ZNF730: variants seen among roughly 807,000 people sequenced by gnomAD.
The protein encoded by ZNF730 is zinc finger protein 730, also known as putative zinc finger protein 730.
ZNF730 carries 12 observed loss-of-function variants against 12.6 expected under a neutral mutation model. The observed-to-expected ratio is 0.95, with a 90% CI of 0.61 to 1.54. ZNF730 has a LOEUF of 1.54. Among genes scored for constraint, ZNF730 ranks in the 40% most tolerant of loss-of-function variants. ZNF730 has a pLI of 0.00. For synonymous variants in ZNF730, 194 were observed against 195.8 expected, an observed-to-expected ratio of 0.99 and a Z score of 0.08; for missense variants, 643 against 583.5, an observed-to-expected ratio of 1.10 and a Z score of -1.05.
intron 1 of ZNF730, 64 bp from the exon 2 acceptor site, chr19:23,134,015 GA>G: frequency 6.3e-7 from 1 of 1,592,118 alleles, no homozygotes. Flanking sequence ...ATTTCACCTT[GA>G]GTGAAACTTA....
intron 3 of ZNF730, among the ~76,000 whole-genome samples, chr19:23,141,238 C>CA (rs916760425): frequency 1.3e-5 from 2 of 151,276 alleles, no homozygotes; most frequent in Non-Finnish European, 1.5e-5. Flanking sequence ...ACTAAAAATA[C>CA]AAAAAAATTA....
rs762926990 is a variant in ZNF730, at chr19:23,146,255, C to A, written c.1211C>A (p.Ala404Asp). Residue 404 changes from alanine to aspartate, a missense_variant, in exon 4 of 4, where the codon GCC becomes GAC. Transcript: ENST00000597761. ...TACAAATGTGAAGAATGTGGCAAAG[C>A]CTTTAGCCGTATCTCACACCTTACT... ...KFYKCEECGK[A>D]FSRISHLTTH... is the part of the protein sequence containing the mutation. 1.9e-6 allele frequency: 3 copies of A among 1,613,400 alleles called. No individual in the cohort carries two copies. The highest frequency in any genetic ancestry group is 2.5e-6 in the Non-Finnish European group (3 of 1,179,684).
At chr19:23,116,754 G>A (rs1433780168), upstream of ZNF730, among the ~76,000 whole-genome samples, 1 of 152,076 alleles carries the variant, frequency 6.6e-6, no homozygotes, top group Non-Finnish European at 1.5e-5. Flanking sequence ...TTCATATAGC[G>A]TATTATTTAT....
At chr19:23,127,695 C>T (rs1007820558) in intron 1 of ZNF730, 1 of 1,241,796 alleles carries the variant, frequency 8.1e-7, no homozygotes, top group East Asian at 2.3e-5. Context: ...GAAATGTCCA[C>T]CAGCAGAGCA....
At chr19:23,110,451 ATTT>A (rs1352943837) in intron 1 of ZNF730, among the ~76,000 whole-genome samples, 4 of 132,016 alleles carry the variant, frequency 3.0e-5, no homozygotes, top group African/African-American at 1.2e-4. Context: ...TAATTTTTGT[ATTT>A]TTAGTAGAGA....
At chr19:23,095,625 C>T (rs535351965) in intron 1 of ZNF730, 24 of 392,628 alleles carry the variant, frequency 6.1e-5, no homozygotes, top group African/African-American at 4.5e-4. Context: ...GCACTGCCCT[C>T]AGAAGCCGTG....
chr19:23,145,297 CT>C lies in ZNF730; in HGVS notation c.256del (p.Trp86GlyfsTer6). The C allele has an allele frequency of 6.4e-7, 1 of 1,562,026 alleles. No individual in the cohort carries two copies. On this transcript the variant is annotated frameshift_variant, in exon 4 of 4. Coordinates refer to ENST00000597761, the MANE Select transcript of ZNF730 (RefSeq NM_001277403.2). LOFTEE classifies it low-confidence loss of function (END_TRUNC). ...PVICSHIAQD[L>X]WPEQGIKDYF... is the part of the protein sequence containing the mutation. Reference sequence around the variant, plus strand: ...TATATGTTCTCATATTGCCCAAGACCTTTGGCCAGAGCAAGGCATAAAAGAT... The same window carrying C: ...TATATGTTCTCATATTGCCCAAGACCTTGGCCAGAGCAAGGCATAAAAGAT...
intron 1 of ZNF730, among the ~76,000 whole-genome samples, chr19:23,078,652 CT>C (rs926091362): frequency 2.0e-5 from 3 of 152,162 alleles, no homozygotes; most frequent in Non-Finnish European, 4.4e-5. Context: ...AGCGCCGCCC[CT>C]GGGCCCACTT....
intron 1 of ZNF730, among the ~76,000 whole-genome samples, chr19:23,122,560 G>T (rs774739930): frequency 2.0e-5 from 3 of 152,166 alleles, no homozygotes; most frequent in Non-Finnish European, 4.4e-5. Flanking sequence ...ACAGAAAACT[G>T]ATTATCCAAG....
At chr19:23,094,188 C>T (rs1970206445) in intron 1 of ZNF730, among the ~76,000 whole-genome samples, 1 of 152,004 alleles carries the variant, frequency 6.6e-6, no homozygotes, top group African/African-American at 2.4e-5. Flanking sequence ...AGTTTGTTTC[C>T]ACAGTACATT....
At chr19:23,093,868 T>C (rs1214477161) in intron 1 of ZNF730, among the ~76,000 whole-genome samples, 1 of 152,220 alleles carries the variant, frequency 6.6e-6, no homozygotes, top group Non-Finnish European at 1.5e-5. Flanking sequence ...CACGAGCGCC[T>C]CCCTTGGCCT....
rs536005138 is a variant in ZNF730 at position 23,117,045 on chromosome 19, C to T, written c.-129C>T. 2.0e-5 allele frequency: 27 copies of T among 1,376,950 alleles called. 1 individual carries two copies. The East Asian group carries it at 7.4e-4, about 38-fold the overall frequency. 85.3% of individuals were successfully genotyped at this position (1,376,950 alleles called of 1,614,324 possible). ...GCGCGGCCTTTGTTTCTCGCTGCCG[C>T]CGAAGCTCCAATTTTCGTCTGTCTG... On this transcript the variant is annotated 5_prime_UTR_variant, in exon 1 of 4. Transcript: ENST00000597761.
In ZNF730 at chr19:23,129,936, G is replaced by A. The variant is rs180949669; in HGVS notation, c.4-4144G>A. 7.4e-4 allele frequency among the ~76,000 whole-genome samples: 112 copies of A among 150,362 alleles called. No individual in the cohort carries two copies. In the East Asian group the frequency reaches 0.014, roughly 18 times the overall value. ...GTGAACCCGGAAGGCAGAGCTTGCA[G>A]TGAGCCAAGATCGTGCCACTGCACT... On this transcript the variant is annotated intron_variant, in intron 1 of 3. Coordinates refer to ENST00000597761, the MANE Select transcript of ZNF730 (RefSeq NM_001277403.2).
At chr19:23,108,549 A>G (rs974189619) in intron 1 of ZNF730, among the ~76,000 whole-genome samples, 3 of 149,584 alleles carry the variant, frequency 2.0e-5, no homozygotes, top group Non-Finnish European at 3.0e-5. Flanking sequence ...CTAAACTGCA[A>G]CAGAATAAAA....
chr19:23,135,919 C>G, intron 2 of ZNF730, 29 bp from the exon 3 acceptor site: 2 of 1,579,984 alleles, frequency 1.3e-6, no homozygotes, highest in South Asian at 1.1e-5. Flanking sequence ...AGAATATGAG[C>G]AAGATTCATG....
chr19:23,140,778 C>A (rs943262020), intron 3 of ZNF730, among the ~76,000 whole-genome samples: 7 of 151,374 alleles, frequency 4.6e-5, no homozygotes, highest in African/African-American at 1.7e-4. Context: ...ATGGTGAAAC[C>A]CCATCTCTAC....
At chr19:23,088,907 T>C (rs965944028) in intron 1 of ZNF730, among the ~76,000 whole-genome samples, 12 of 151,932 alleles carry the variant, frequency 7.9e-5, no homozygotes, top group Admixed American at 7.9e-4. Flanking sequence ...AGTTTCTCTC[T>C]TGTTGCCCAG....
At chr19:23,078,081 G>A (rs771361) in intron 1 of ZNF730, among the ~76,000 whole-genome samples, 41,117 of 151,952 alleles carry the variant, frequency 0.27, 5,934 homozygotes, top group African/African-American at 0.36. Flanking sequence ...ATTGTCCAAG[G>A]TTTTTCCCCA....
intron 1 of ZNF730, among the ~76,000 whole-genome samples, chr19:23,087,698 C>T (rs147876413): frequency 0.05 from 7,518 of 151,426 alleles, 222 homozygotes; most frequent in Middle Eastern, 0.083. Context: ...TCACTGCAGC[C>T]TCCACCTCTG....
Sources: gnomAD v4.1 joint callset for allele counts (sites outside exome capture counted in the v4.1 genomes callset) on GRCh38, gnomAD v4.1.1 for gene constraint, MANE v1.5 for transcripts, NCBI Gene and HGNC (gene_info 2026-07-23, HGNC 2026-07-21) for gene names.